Variants in DIAPH1 observed in about 807,000 individuals in gnomAD.
DIAPH1 encodes the protein diaphanous related formin 1, also known as protein diaphanous homolog 1.
In DIAPH1, 46 loss-of-function variants were observed where a neutral mutation model predicts 140.7. That is an observed-to-expected ratio of 0.33 (90% CI 0.26 to 0.42). DIAPH1 has a LOEUF of 0.42. Among genes scored for constraint, DIAPH1 ranks in the 10% least tolerant of loss-of-function variants. The pLI, the probability that DIAPH1 is intolerant of heterozygous loss-of-function variation, is 1.00. For missense variants in DIAPH1, 1,310 were observed against 1,558.7 expected (o/e 0.84, Z 2.69); for synonymous variants, 565 against 551.6 (o/e 1.02, Z -0.34).
At chr5:141,523,343 G>A (rs571241048) in intron 27 of DIAPH1, among the ~76,000 whole-genome samples, 1 of 152,258 alleles carries the variant, frequency 6.6e-6, no homozygotes, top group Non-Finnish European at 1.5e-5. Flanking sequence ...CGATAGTGCA[G>A]GTCAACTCCA....
intron 14 of DIAPH1, 57 bp downstream of exon 14, chr5:141,576,173 T>C: frequency 7.3e-7 from 1 of 1,377,702 alleles, no homozygotes; most frequent in South Asian, 1.2e-5. Flanking sequence ...ATCAGGAAAA[T>C]AATAATTCTC....
intron 5 of DIAPH1, 92 bp downstream of exon 5, chr5:141,583,393 T>C: frequency 1.2e-6 from 2 of 1,609,420 alleles, no homozygotes; most frequent in Non-Finnish European, 1.7e-6. Context: ...TTCAGACTAT[T>C]CTCATGCTTC....
At chr5:141,596,304 G>A (rs1174936812) in intron 1 of DIAPH1, among the ~76,000 whole-genome samples, 3 of 151,996 alleles carry the variant, frequency 2.0e-5, no homozygotes, top group East Asian at 1.9e-4. Flanking sequence ...CTGCACTCCA[G>A]CCTGGGTGAC....
chr5:141,584,225 G>C lies in DIAPH1; in HGVS notation c.301C>G (p.Leu101Val). The change falls in exon 4 of 28, where the codon CTG (leucine) becomes GTG (valine). Residue 101 changes from leucine to valine, a missense_variant and splice_region_variant. By Grantham distance (32) the Leu-to-Val change is conservative (BLOSUM62 1). Around this residue, in one of 3 missense-constraint regions of DIAPH1, gnomAD observed 377 missense variants for 497.1 expected, o/e 0.76. Coordinates refer to ENST00000389054, the MANE Select transcript of DIAPH1 (RefSeq NM_005219.5). ...TTCTCCTCATTCAGGTTCATATCCA[G>C]CTAGGAGAGGGAGAAAAAAGAGAAA... ...QVLVLFEQML[L>V]DMNLNEEKQQ... 1 of 1,596,100 alleles carries C rather than the reference G, an allele frequency of 6.3e-7. No individual in the cohort carries two copies. Among genetic ancestry groups the C allele is most frequent in the Non-Finnish European group, 8.6e-7 (1 of 1,164,120 alleles).
In DIAPH1 at chr5:141,557,140, AC is replaced by A. The variant is rs566397296; in HGVS notation, c.2482+14287del. Among the ~76,000 whole-genome samples, 79 of 152,368 alleles carry A rather than the reference AC, an allele frequency of 5.2e-4. 1 individual carries two copies. Among genetic ancestry groups the A allele is most frequent in the Admixed American group, 9.1e-4 (14 of 15,304 alleles). ...TGATTCAAATGAACTATTAAAAAAA[AC>A]AACTATCATAAGATAATTTGGGAAA... On this transcript the variant is annotated intron_variant, in intron 18 of 27. Coordinates refer to ENST00000389054, the MANE Select transcript of DIAPH1 (RefSeq NM_005219.5).
At chr5:141,590,014 T>A (rs2099898157) in intron 1 of DIAPH1, among the ~76,000 whole-genome samples, 1 of 151,914 alleles carries the variant, frequency 6.6e-6, no homozygotes, top group Non-Finnish European at 1.5e-5. Context: ...GCCTCCTGAG[T>A]AGCTGGGATT....
intron 18 of DIAPH1, among the ~76,000 whole-genome samples, chr5:141,534,725 T>C (rs1472468313): frequency 6.6e-6 from 1 of 152,206 alleles, no homozygotes; most frequent in Non-Finnish European, 1.5e-5. Context: ...GACCAGATAG[T>C]AACTATTTTA....
chr5:141,527,443 G>A, intron 24 of DIAPH1, 130 bp downstream of exon 24: 1 of 991,768 alleles, frequency 1.0e-6, no homozygotes, highest in Non-Finnish European at 1.5e-6. Flanking sequence ...AAAAAACTAT[G>A]TATTTAAAGA....
chr5:141,567,904 A>AT (rs1452738165), intron 18 of DIAPH1, among the ~76,000 whole-genome samples: 2 of 152,186 alleles, frequency 1.3e-5, no homozygotes, highest in Admixed American at 1.3e-4. Context: ...GAATACTGTT[A>AT]TTTTTTAATA....
intron 27 of DIAPH1, chr5:141,519,123 A>G: frequency 2.3e-6 from 2 of 871,424 alleles, no homozygotes; most frequent in Non-Finnish European, 3.8e-6. Context: ...TTATGAACAT[A>G]AACTAATGCC....
At chr5:141,556,179 A>C (rs1470416532) in intron 18 of DIAPH1, among the ~76,000 whole-genome samples, 2 of 152,196 alleles carry the variant, frequency 1.3e-5, no homozygotes, top group African/African-American at 2.4e-5. Flanking sequence ...ATAATCCTGA[A>C]GCCATAAAGG....
chr5:141,530,534 C>A (rs1187204284), intron 19 of DIAPH1, among the ~76,000 whole-genome samples: 1 of 152,134 alleles, frequency 6.6e-6, no homozygotes, highest in Non-Finnish European at 1.5e-5. Context: ...ATAACTGGGG[C>A]CTCCGCGCTG....
At chr5:141,520,040 C>T (rs769254531) in intron 27 of DIAPH1, among the ~76,000 whole-genome samples, 10 of 152,066 alleles carry the variant, frequency 6.6e-5, no homozygotes, top group Non-Finnish European at 1.2e-4. Flanking sequence ...AACCATATAA[C>T]GCAAGTTTTA....
intron 18 of DIAPH1, 86 bp downstream of exon 18, chr5:141,571,342 T>A (rs1350595151): frequency 4.2e-6 from 5 of 1,198,968 alleles, no homozygotes; most frequent in South Asian, 1.4e-5. Context: ...GGTCTCAGTT[T>A]TCTAATGAGA....
rs574021163 is a variant in DIAPH1 at position 141,592,794 on chromosome 5, T to C, written c.118-4544A>G. On this transcript the variant is annotated intron_variant, in intron 1 of 27. Coordinates refer to ENST00000389054, the MANE Select transcript of DIAPH1 (RefSeq NM_005219.5). ...GCACTTATACCTTTAACTACAAATA[T>C]AGATACTGAAGGAAGCATAAATACA... Among the ~76,000 whole-genome samples the C allele has an allele frequency of 2.0e-5, 3 of 152,264 alleles. No homozygotes were observed. The South Asian group carries it at 6.2e-4, about 32-fold the overall frequency.
chr5:141,603,360 G>A (rs1011054768), intron 1 of DIAPH1, among the ~76,000 whole-genome samples: 6 of 152,164 alleles, frequency 3.9e-5, no homozygotes, highest in African/African-American at 1.4e-4. Flanking sequence ...CCTCAATAAA[G>A]CTGAGAAAAC....
In DIAPH1 at chr5:141,585,145, C is replaced by T. The variant is rs886283750; in HGVS notation, c.301-920G>A. On this transcript the variant is annotated intron_variant, in intron 3 of 27. Transcript: ENST00000389054. Reference sequence around the variant, plus strand: ...CTAATTTTTGTATTTTTAGTAGAGACGGGGTTTCACCATCTTGGCCAGGCT... The same window carrying T: ...CTAATTTTTGTATTTTTAGTAGAGATGGGGTTTCACCATCTTGGCCAGGCT... 5.3e-5 allele frequency among the ~76,000 whole-genome samples: 8 copies of T among 152,164 alleles called. 1 individual carries two copies. In the East Asian group the frequency reaches 1.2e-3, roughly 22 times the overall value.
At chr5:141,606,655 A>C (rs2099901019) in intron 1 of DIAPH1, among the ~76,000 whole-genome samples, 1 of 152,210 alleles carries the variant, frequency 6.6e-6, no homozygotes, top group Non-Finnish European at 1.5e-5. Flanking sequence ...TCGGCCTCCC[A>C]AAGTGCCTGC....
At chr5:141,597,605 G>A (rs544266220) in intron 1 of DIAPH1, among the ~76,000 whole-genome samples, 26 of 152,060 alleles carry the variant, frequency 1.7e-4, no homozygotes, top group Middle Eastern at 3.2e-3. Context: ...GAAATCCCGG[G>A]GATAAAGGTT....
Sources: allele counts gnomAD v4.1 joint callset (sites outside exome capture counted in the v4.1 genomes callset), GRCh38; gene constraint gnomAD v4.1.1; regional missense constraint gnomAD v4.1.1; transcripts MANE v1.5; gene names NCBI Gene and HGNC (gene_info 2026-07-23, HGNC 2026-07-21).